Variants in POLA1 observed in about 807,000 individuals in gnomAD.
The protein encoded by POLA1 is DNA polymerase alpha 1, catalytic subunit.
In POLA1, 15 loss-of-function variants were observed where a neutral mutation model predicts 124.0. The observed-to-expected ratio is 0.12, with a 90% CI of 0.08 to 0.19. The LOEUF is 0.19. Ranked by LOEUF, POLA1 falls within the 10% of genes least tolerant of loss-of-function variation. The pLI is 1.00. For synonymous variants in POLA1, 408 were observed against 389.4 expected (o/e 1.05, Z -0.56); for missense variants, 886 against 1,103.4 (o/e 0.80, Z 2.79).
chrX:24,714,898 TAGTG>T (rs1311803064), intron 5 of POLA1, among the ~76,000 whole-genome samples: 2 of 112,130 alleles, frequency 1.8e-5, no homozygotes, highest in Admixed American at 1.9e-4. Flanking sequence ...TGTTTAATTT[TAGTG>T]AGTAGCAGGA....
At chrX:24,913,431 G>A (rs1163421293) in intron 35 of POLA1, among the ~76,000 whole-genome samples, 2 of 111,272 alleles carry the variant, frequency 1.8e-5, no homozygotes, top group Non-Finnish European at 1.9e-5. Context: ...TCGTGGTAAG[G>A]CCAGGTGTGG....
intron 36 of POLA1, among the ~76,000 whole-genome samples, chrX:24,980,181 G>A (rs369921543): frequency 2.7e-5 from 3 of 111,566 alleles, no homozygotes; most frequent in Non-Finnish European, 5.6e-5. Context: ...TGTAGAACTC[G>A]TCAGGAAAAT....
chrX:24,872,955 T>C (rs995769511), intron 34 of POLA1, among the ~76,000 whole-genome samples: 1 of 111,513 alleles, frequency 9.0e-6, no homozygotes, highest in Non-Finnish European at 1.9e-5. Flanking sequence ...ATATACTCCC[T>C]GCCCCACACA....
At chrX:24,969,639 AT>A (rs779669203) in intron 36 of POLA1, among the ~76,000 whole-genome samples, 325 of 108,098 alleles carry the variant, frequency 3.0e-3, no homozygotes, top group African/African-American at 9.8e-3. Flanking sequence ...CAAAATATGC[AT>A]TTTTTTTTTC....
At chrX:24,866,760 C>G (rs2046799712) in intron 34 of POLA1, among the ~76,000 whole-genome samples, 1 of 112,017 alleles carries the variant, frequency 8.9e-6, no homozygotes, top group African/African-American at 3.2e-5. Flanking sequence ...TTGAATTTGC[C>G]AAACTCTTAT....
chrX:24,726,906 A>C (rs756841171), intron 13 of POLA1, 27 bp from the exon 14 acceptor site: 1 of 1,129,322 alleles, frequency 8.9e-7, no homozygotes, highest in Non-Finnish European at 1.2e-6. Flanking sequence ...TTAAACAAAA[A>C]GATTCTTTTT....
At chrX:24,794,234 G>A (rs770563632) in intron 26 of POLA1, among the ~76,000 whole-genome samples, 50 of 111,301 alleles carry the variant, frequency 4.5e-4, no homozygotes, top group South Asian at 3.4e-3. Flanking sequence ...CCACCTTGGC[G>A]TCCCAAAGTG....
intron 1 of POLA1, among the ~76,000 whole-genome samples, chrX:24,699,041 A>G (rs1440638400): frequency 8.9e-6 from 1 of 112,160 alleles, no homozygotes; most frequent in East Asian, 2.8e-4. Context: ...TTGCAAAATG[A>G]ATAGTGCTTT....
intron 36 of POLA1, among the ~76,000 whole-genome samples, chrX:24,934,879 C>A (rs960679918): frequency 1.8e-5 from 2 of 111,696 alleles, no homozygotes; most frequent in Admixed American, 9.5e-5. Context: ...CACGTCACCA[C>A]GCCCAGCTAA....
At position 24,930,509 on chromosome X, in the gene POLA1, G is replaced by A. The variant is rs200725778; in HGVS notation, c.4221G>A (p.Ala1407=). The change falls in exon 36 of 37, where the codon GCG becomes GCA. Residue 1407 remains alanine (A), a synonymous_variant. Transcript: ENST00000379068. ...QLCFYRYIFD[A]ECALEKLTTD... is the part of the protein sequence containing the mutation. ...GCTTTTACCGGTACATTTTTGATGC[G>A]GAGTGTGCACTGGAGAAACTTACTA... is the stretch of plus-strand genomic sequence containing the variant. 162 of 1,191,045 alleles carry A rather than the reference G, an allele frequency of 1.4e-4. No homozygotes were observed. In the Middle Eastern group the frequency reaches 1.4e-3, roughly 10 times the overall value.
intron 4 of POLA1, among the ~76,000 whole-genome samples, chrX:24,713,333 A>G (rs1368760796): frequency 8.9e-6 from 1 of 111,949 alleles, no homozygotes; most frequent in African/African-American, 3.2e-5. Context: ...TGAATCAGAA[A>G]GCGAGAGTAA....
intron 34 of POLA1, among the ~76,000 whole-genome samples, chrX:24,853,310 TA>T (rs1398670437): frequency 2.7e-5 from 3 of 112,245 alleles, no homozygotes; most frequent in African/African-American, 9.7e-5. Context: ...TTTTTGTCAC[TA>T]CACCAAATCT....
At chrX:24,864,671 A>G (rs771334683) in intron 34 of POLA1, among the ~76,000 whole-genome samples, 4 of 109,501 alleles carry the variant, frequency 3.7e-5, no homozygotes, top group Non-Finnish European at 7.6e-5. Flanking sequence ...CACCTTTAAG[A>G]CCTAAACCCA....
chrX:24,804,399 C>T (rs1390342636), intron 26 of POLA1, among the ~76,000 whole-genome samples: 1 of 111,554 alleles, frequency 9.0e-6, no homozygotes, highest in Non-Finnish European at 1.9e-5. Flanking sequence ...CTGCCTTTCT[C>T]TTTCCTAGCC....
intron 26 of POLA1, among the ~76,000 whole-genome samples, chrX:24,795,921 T>C (rs1311828403): frequency 8.9e-6 from 1 of 111,788 alleles, no homozygotes; most frequent in Non-Finnish European, 1.9e-5. Context: ...TTTGATGTTA[T>C]AAAATCTAAT....
chrX:24,852,044 C>G (rs1336404153), intron 34 of POLA1, among the ~76,000 whole-genome samples: 1 of 112,231 alleles, frequency 8.9e-6, no homozygotes, highest in Non-Finnish European at 1.9e-5. Flanking sequence ...TTTTGGTTCA[C>G]ATATGGAAAT....
At chrX:24,775,403 G>GA (rs1306078251) in intron 26 of POLA1, 1 of 112,039 alleles carries the variant, frequency 8.9e-6, no homozygotes, top group Non-Finnish European at 1.9e-5. Flanking sequence ...TTTTACAGTG[G>GA]ATGTTCTTTT....
chrX:24,828,946 G>T (rs777668843), intron 32 of POLA1, among the ~76,000 whole-genome samples: 11 of 112,045 alleles, frequency 9.8e-5, no homozygotes, highest in Middle Eastern at 4.6e-3. Flanking sequence ...AGCAGATTTT[G>T]ACTTGACAGA....
chrX:24,928,200 A>G (rs2047722748), intron 35 of POLA1, among the ~76,000 whole-genome samples: 1 of 111,395 alleles, frequency 9.0e-6, no homozygotes, highest in Non-Finnish European at 1.9e-5. Flanking sequence ...TATTTTCCTT[A>G]TCCATTTAGG....
Sources: gnomAD v4.1 joint callset for allele counts (sites outside exome capture counted in the v4.1 genomes callset) on GRCh38, gnomAD v4.1.1 for gene constraint, MANE v1.5 for transcripts, NCBI Gene and HGNC (gene_info 2026-07-23, HGNC 2026-07-21) for gene names.